Variants in ZIC4 observed in about 807,000 individuals in gnomAD.
The protein encoded by ZIC4 is zinc finger protein ZIC 4.
In ZIC4, 15 loss-of-function variants were observed where a neutral mutation model predicts 28.8. That is an observed-to-expected ratio of 0.52 (90% CI 0.35 to 0.80). ZIC4 has a LOEUF of 0.80. Ranked by LOEUF, ZIC4 falls within the 30% of genes least tolerant of loss-of-function variation. The pLI, the probability that ZIC4 is intolerant of heterozygous loss-of-function variation, is 0.01. For missense variants in ZIC4, 512 were observed against 467.1 expected (o/e 1.10, Z -0.89); for synonymous variants, 220 against 198.1 (o/e 1.11, Z -0.93).
intron 1 of ZIC4, chr3:147,403,899 G>T: frequency 6.8e-7 from 1 of 1,460,370 alleles, no homozygotes; most frequent in Non-Finnish European, 9.1e-7. Flanking sequence ...TGGCTTGGCG[G>T]CTTTTACCCT....
In ZIC4 at chr3:147,388,188, A is replaced by G. The variant is rs1337337157; in HGVS notation, c.*671T>C. 1 of 152,650 alleles carries G rather than the reference A, an allele frequency of 6.6e-6. No individual in the cohort carries two copies. The highest frequency in any genetic ancestry group is 1.5e-5 in the Non-Finnish European group (1 of 68,086). 9.5% of individuals were successfully genotyped at this position (152,650 alleles called of 1,614,324 possible). The stretch of plus-strand genomic sequence containing the variant: ...GGCGTGAAAGCAAAGGTCAGCGCAA[A>G]TGTATCTTAATAGAGTGTCTGTAGT... On this transcript the variant is annotated 3_prime_UTR_variant, in exon 5 of 5. Coordinates refer to ENST00000383075, the MANE Select transcript of ZIC4 (RefSeq NM_032153.6).
rs768351461 is a variant in ZIC4, at chr3:147,388,750, G to C, written c.*109C>G. 23 of 722,414 alleles carry C rather than the reference G, an allele frequency of 3.2e-5. No individual in the cohort carries two copies. Among genetic ancestry groups the C allele is most frequent in the Admixed American group, 1.1e-4 (5 of 46,336 alleles). The allele number at this position is 722,414 out of a possible 1,614,324, so 44.8% of individuals were successfully genotyped here. A position where few individuals can be genotyped will look rare whatever the true frequency, so the allele number is the denominator to read the frequency against. ...TCCTAACTTACCATGAAGATGCACCGTGGCGAAGAAACACTGCTTTGTGCG... is the reference window on the plus strand; with the variant it reads ...TCCTAACTTACCATGAAGATGCACCCTGGCGAAGAAACACTGCTTTGTGCG... On this transcript the variant is annotated 3_prime_UTR_variant, in exon 5 of 5. Transcript: ENST00000383075.
At chr3:147,391,392 C>G (rs931060296) in intron 3 of ZIC4, 146 bp from the exon 4 acceptor site, 49 of 1,074,520 alleles carry the variant, frequency 4.6e-5, no homozygotes, top group Admixed American at 4.1e-4. Flanking sequence ...TCAGGTCGAG[C>G]ACCCCTTTCC....
At chr3:147,390,296 T>C (rs1397830595) in intron 4 of ZIC4, among the ~76,000 whole-genome samples, 1 of 150,488 alleles carries the variant, frequency 6.6e-6, no homozygotes, top group Non-Finnish European at 1.5e-5. Flanking sequence ...GGGGAAACCA[T>C]AGGAAGGCAA....
chr3:147,398,750 C>G (rs1054925377), intron 2 of ZIC4, among the ~76,000 whole-genome samples: 6 of 152,004 alleles, frequency 3.9e-5, no homozygotes, highest in African/African-American at 9.7e-5. Context: ...TATCCCATAC[C>G]CCTTAGCAGA....
intron 2 of ZIC4, among the ~76,000 whole-genome samples, chr3:147,400,509 G>A (rs1248685136): frequency 1.3e-5 from 2 of 152,172 alleles, no homozygotes; most frequent in Non-Finnish European, 2.9e-5. Flanking sequence ...GTAGCCAGGG[G>A]TCAGTAGACC....
At chr3:147,402,102 G>A (rs1240951793) in intron 2 of ZIC4, among the ~76,000 whole-genome samples, 2 of 152,130 alleles carry the variant, frequency 1.3e-5, no homozygotes, top group Admixed American at 6.5e-5. Context: ...AAAACTAGAC[G>A]CCTGGAAGGG....
chr3:147,403,530 T>G (rs2107984780), intron 1 of ZIC4: 1 of 157,616 alleles, frequency 6.3e-6, no homozygotes, highest in South Asian at 2.0e-4. Context: ...TCAGATTCAC[T>G]TTGTGACTAA....
Position 147,391,077 on chromosome 3 carries a change from C to G in ZIC4, c.858G>C (p.Lys286Asn). 1 of 1,614,112 alleles carries G rather than the reference C, an allele frequency of 6.2e-7. No individual in the cohort carries two copies. Among genetic ancestry groups the G allele is most frequent in the Non-Finnish European group, 8.5e-7 (1 of 1,180,046 alleles). ...THPSSLRKHMKVHGRSPPPSS... is the reference protein window; with the variant it reads ...THPSSLRKHMNVHGRSPPPSS... ...TGGGCGGCGGCGAGCGCCCGTGCAC[C>G]TTCATGTGCTTACGCAGCGAGCTGG... Residue 286 changes from lysine (K) to asparagine (N), a missense_variant, in exon 4 of 5, where the codon AAG (lysine) becomes AAC (asparagine). Around this residue, in one of 3 missense-constraint regions of ZIC4, gnomAD observed 144 missense variants for 116.8 expected, o/e 1.23. Coordinates refer to ENST00000383075, the MANE Select transcript of ZIC4 (RefSeq NM_032153.6).
intron 3 of ZIC4, chr3:147,392,903 T>C (rs569308076): frequency 1.3e-5 from 2 of 152,166 alleles, no homozygotes; most frequent in African/African-American, 4.8e-5. Flanking sequence ...CACCATTTTA[T>C]AAAACAGTGA....
chr3:147,389,056 T>TCTGCA, intron 4 of ZIC4, 197 bp from the exon 5 acceptor site: 1 of 606,112 alleles, frequency 1.6e-6, no homozygotes, highest in East Asian at 2.8e-5. Flanking sequence ...CCTCTGCACC[T>TCTGCA]TAGTGGTGGG....
intron 3 of ZIC4, chr3:147,391,455 G>T: frequency 1.8e-6 from 1 of 551,842 alleles, no homozygotes; most frequent in Non-Finnish European, 3.1e-6. Flanking sequence ...CATCCCTCCC[G>T]CCTTCCTCCT....
intron 2 of ZIC4, among the ~76,000 whole-genome samples, chr3:147,400,530 T>C (rs532574813): frequency 6.2e-4 from 94 of 152,324 alleles, no homozygotes; most frequent in African/African-American, 2.1e-3. Context: ...TGCAGGTCAC[T>C]GAGGTTGCCT....
At position 147,402,781 on chromosome 3, in the gene ZIC4, G is replaced by A. The variant is rs760840336; in HGVS notation, c.17C>T (p.Ser6Phe). 6.2e-7 allele frequency: 1 copy of A among 1,613,668 alleles called. No homozygotes were observed. Among genetic ancestry groups the A allele is most frequent in the African/African-American group, 1.3e-5 (1 of 74,858 alleles). Residue 6 changes from serine (S) to phenylalanine (F), a missense_variant, in exon 2 of 5, where the codon TCC (serine) becomes TTC (phenylalanine). By Grantham distance (155) the Ser-to-Phe change is radical. Transcript: ENST00000383075. Reference sequence around the variant, plus strand: ...CCGTAATCGTTTCCTCATCACCAAGGATGTCTTGTATCTCATTTTCTGACT... The same window carrying A: ...CCGTAATCGTTTCCTCATCACCAAGAATGTCTTGTATCTCATTTTCTGACT... Reference protein sequence around the residue: MRYKTSLVMRKRLRLY... With the variant: MRYKTFLVMRKRLRLY...
intron 3 of ZIC4, chr3:147,391,879 T>C: frequency 7.5e-6 from 6 of 795,384 alleles, no homozygotes; most frequent in Non-Finnish European, 9.1e-6. Context: ...AATGATTCAC[T>C]TCAGAAGAGA....
intron 3 of ZIC4, chr3:147,393,974 G>T (rs2086983482): frequency 4.4e-6 from 2 of 456,396 alleles, no homozygotes; most frequent in Non-Finnish European, 8.8e-6. Context: ...TGAGAAATTT[G>T]CTCCTGTTTG....
rs151261809 is a variant in ZIC4, at chr3:147,395,035, G to A, written c.688+817C>T. Among the ~76,000 whole-genome samples the A allele has an allele frequency of 4.7e-3, 721 of 152,292 alleles. 10 individuals are homozygous for A. The highest frequency in any genetic ancestry group is 0.017 in the African/African-American group (698 of 41,562). On this transcript the variant is annotated intron_variant, in intron 3 of 4. Coordinates refer to ENST00000383075, the MANE Select transcript of ZIC4 (RefSeq NM_032153.6). The stretch of plus-strand genomic sequence containing the variant: ...GATTTCTTAAACTTCCAGGGAGGAG[G>A]AGCGAGAAAACCCTAACTAAGGAGA...
In ZIC4 at chr3:147,396,561, A is replaced by C; in HGVS notation, c.71-92T>G. The C allele has an allele frequency of 1.4e-6, 2 of 1,418,848 alleles. No individual in the cohort carries two copies. Among genetic ancestry groups the C allele is most frequent in the South Asian group, 3.1e-5 (2 of 64,770 alleles). 87.9% of individuals were successfully genotyped at this position (1,418,848 alleles called of 1,614,324 possible). On this transcript the variant is annotated intron_variant, in intron 2 of 4. Coordinates refer to ENST00000383075, the MANE Select transcript of ZIC4 (RefSeq NM_032153.6). The surrounding 1 kb of genome is among the most constrained non-coding windows in gnomAD (Gnocchi z 4.2). ...CGGGGGGCAGGCCCAGCCCTGCCGC[A>C]CTACGGCCTCTGCAGTCAGCCGTGG...
intron 4 of ZIC4, among the ~76,000 whole-genome samples, chr3:147,389,585 G>A (rs778228449): frequency 6.6e-6 from 1 of 152,100 alleles, no homozygotes; most frequent in African/African-American, 2.4e-5. Flanking sequence ...CAGATGGGGG[G>A]AGGGGGGAAA....
Sources: allele counts gnomAD v4.1 joint callset (sites outside exome capture counted in the v4.1 genomes callset), GRCh38; gene constraint gnomAD v4.1.1; regional missense constraint gnomAD v4.1.1; non-coding constraint Gnocchi (gnomAD v3.1); transcripts MANE v1.5; gene names NCBI Gene and HGNC (gene_info 2026-07-23, HGNC 2026-07-21).